Variants in RAPGEF1 observed in about 807,000 individuals in gnomAD.
The protein encoded by RAPGEF1 is CRK SH3-binding GNRP.
A neutral mutation model predicts 143.3 loss-of-function variants in RAPGEF1; 33 were observed. The observed-to-expected ratio is 0.23, with a 90% CI of 0.17 to 0.31. The LOEUF is 0.31. Among genes scored for constraint, RAPGEF1 ranks in the 10% least tolerant of loss-of-function variants. The pLI is 1.00. For synonymous variants in RAPGEF1, 629 were observed against 676.5 expected (o/e 0.93, Z 1.09); for missense variants, 1,199 against 1,645.4 (o/e 0.73, Z 4.69).
At chr9:131,734,657 G>A (rs535613060) in intron 1 of RAPGEF1, among the ~76,000 whole-genome samples, 21 of 152,262 alleles carry the variant, frequency 1.4e-4, no homozygotes, top group African/African-American at 5.1e-4. Flanking sequence ...GTTTAAAATT[G>A]ATCGAAATAC....
At chr9:131,706,110 G>A (rs867955400) in intron 1 of RAPGEF1, among the ~76,000 whole-genome samples, 1 of 152,034 alleles carries the variant, frequency 6.6e-6, no homozygotes, top group Admixed American at 6.6e-5. Context: ...TCCACATAAC[G>A]ATATGCCCAG....
intron 10 of RAPGEF1, 115 bp from the exon 11 acceptor site, chr9:131,622,113 G>A: frequency 1.0e-6 from 1 of 994,832 alleles, no homozygotes; most frequent in Admixed American, 2.1e-5. Context: ...ACCTCAGAGA[G>A]GGACGAACAG....
chr9:131,643,132 C>T (rs1968543575), intron 4 of RAPGEF1, 107 bp downstream of exon 4: 1 of 1,311,238 alleles, frequency 7.6e-7, no homozygotes, highest in Non-Finnish European at 1.0e-6. Context: ...TGATGGAGTC[C>T]TTTTCCTGAC....
intron 1 of RAPGEF1, among the ~76,000 whole-genome samples, chr9:131,666,464 G>A (rs1184255492): frequency 3.3e-5 from 5 of 151,872 alleles, no homozygotes; most frequent in African/African-American, 4.8e-5. Context: ...TCAGCTCACT[G>A]CAACCTCCAC....
chr9:131,603,178 G>C (rs892448492), intron 14 of RAPGEF1, among the ~76,000 whole-genome samples: 1 of 152,214 alleles, frequency 6.6e-6, no homozygotes, highest in South Asian at 2.1e-4. Flanking sequence ...AGAACCACCT[G>C]AACGGGTGTG....
At chr9:131,616,181 C>T (rs369478614) in intron 12 of RAPGEF1, among the ~76,000 whole-genome samples, 6 of 151,928 alleles carry the variant, frequency 3.9e-5, no homozygotes, top group African/African-American at 1.5e-4. Flanking sequence ...GGCAGGAGAA[C>T]GCTTGAACCT....
intron 12 of RAPGEF1, among the ~76,000 whole-genome samples, chr9:131,612,024 T>C (rs60289471): frequency 3.3e-5 from 5 of 152,122 alleles, no homozygotes; most frequent in African/African-American, 7.2e-5. Context: ...AGTGAACCAT[T>C]TGATCACAGA....
chr9:131,707,498 T>A lies in RAPGEF1; in HGVS notation c.61+32272A>T, dbSNP rs146840384. On this transcript the variant is annotated intron_variant, in intron 1 of 26. Coordinates refer to ENST00000683357, the MANE Select transcript of RAPGEF1 (RefSeq NM_001377935.1). ...CTCTGTTGCCCAGGCTGGAGTGCAG[T>A]GGCATGACCTCAGCTCACTACAACC... Among the ~76,000 whole-genome samples, 348 of 152,318 alleles carry A rather than the reference T, an allele frequency of 2.3e-3. 1 individual carries two copies. Among genetic ancestry groups the A allele is most frequent in the Non-Finnish European group, 4.2e-3 (286 of 68,014 alleles).
chr9:131,670,190 G>C (rs1831140788), intron 1 of RAPGEF1, among the ~76,000 whole-genome samples: 1 of 152,224 alleles, frequency 6.6e-6, no homozygotes, highest in Non-Finnish European at 1.5e-5. Context: ...AGAGAGAGGA[G>C]TAAGTACCCT....
chr9:131,726,489 G>A (rs552576295), intron 1 of RAPGEF1, among the ~76,000 whole-genome samples: 7 of 152,184 alleles, frequency 4.6e-5, no homozygotes, highest in South Asian at 2.1e-4. Context: ...AGCCGGACGC[G>A]GTGGTGGATG....
Position 131,667,689 on chromosome 9 carries a change from A to G in RAPGEF1, c.62-16740T>C, listed in dbSNP as rs1830655601. ...ATGACATGGGGCAAACAGAAGTGGC[A>G]CTCATCTCTACACGTGGCCTAGGGC... is the stretch of plus-strand genomic sequence containing the variant. On this transcript the variant is annotated intron_variant, in intron 1 of 26. Coordinates refer to ENST00000683357, the MANE Select transcript of RAPGEF1 (RefSeq NM_001377935.1). This position sits in a 1 kb window ranked among gnomAD's most constrained non-coding sequence, Gnocchi z 4.6. Among the ~76,000 whole-genome samples, 1 of 152,104 alleles carries G rather than the reference A, an allele frequency of 6.6e-6. No homozygotes were observed. The highest frequency in any genetic ancestry group is 1.5e-5 in the Non-Finnish European group (1 of 68,008).
At chr9:131,607,837 C>G (rs1957357595) in intron 12 of RAPGEF1, among the ~76,000 whole-genome samples, 1 of 152,218 alleles carries the variant, frequency 6.6e-6, no homozygotes, top group Non-Finnish European at 1.5e-5. Flanking sequence ...CTTCCACGTG[C>G]CCTGCAATAA....
In RAPGEF1 at chr9:131,650,275, T is replaced by G; in HGVS notation, c.202-33A>C. On this transcript the variant is annotated intron_variant, in intron 2 of 26. Coordinates refer to ENST00000683357, the MANE Select transcript of RAPGEF1 (RefSeq NM_001377935.1). The surrounding 1 kb of genome is among the most constrained non-coding windows in gnomAD (Gnocchi z 4.7). ...AGAGGAAACCTGGATTCCTACAGAGTTTGAAATGGCTGTTTGAGGCCGAAG... is the reference window on the plus strand; with the variant it reads ...AGAGGAAACCTGGATTCCTACAGAGGTTGAAATGGCTGTTTGAGGCCGAAG... The G allele has an allele frequency of 6.5e-7, 1 of 1,540,450 alleles. No homozygotes were observed. Among genetic ancestry groups the G allele is most frequent in the South Asian group, 1.1e-5 (1 of 88,074 alleles).
At chr9:131,632,986 G>A (rs1371520392) in intron 5 of RAPGEF1, among the ~76,000 whole-genome samples, 1 of 152,206 alleles carries the variant, frequency 6.6e-6, no homozygotes, top group Non-Finnish European at 1.5e-5. Flanking sequence ...GGGATTACAG[G>A]TGTGAGCCAC....
intron 1 of RAPGEF1, among the ~76,000 whole-genome samples, chr9:131,717,404 GC>G (rs1401022420): frequency 6.6e-6 from 1 of 152,194 alleles, no homozygotes; most frequent in African/African-American, 2.4e-5. Flanking sequence ...TCAGCTATGT[GC>G]CAGGCACCAT....
At chr9:131,706,541 A>G (rs1352952817) in intron 1 of RAPGEF1, among the ~76,000 whole-genome samples, 2 of 152,178 alleles carry the variant, frequency 1.3e-5, no homozygotes. Context: ...AAGTGCTGGG[A>G]TTACAGGTGT....
intron 1 of RAPGEF1, among the ~76,000 whole-genome samples, chr9:131,693,124 G>A (rs964683832): frequency 2.0e-5 from 3 of 152,178 alleles, no homozygotes; most frequent in East Asian, 1.9e-4. Flanking sequence ...TCTGCTGAAT[G>A]GTAAATGTTC....
At chr9:131,666,324 ACT>A (rs769042265) in intron 1 of RAPGEF1, among the ~76,000 whole-genome samples, 1 of 151,982 alleles carries the variant, frequency 6.6e-6, no homozygotes, top group Non-Finnish European at 1.5e-5. Context: ...GTTCTAACGG[ACT>A]CTCTGGACCA....
chr9:131,593,275 C>T (rs1377383144), intron 17 of RAPGEF1, among the ~76,000 whole-genome samples: 1 of 152,224 alleles, frequency 6.6e-6, no homozygotes, highest in Non-Finnish European at 1.5e-5. Flanking sequence ...TCCAGAATTA[C>T]AACAGCCCTA....
Sources: allele counts gnomAD v4.1 joint callset (sites outside exome capture counted in the v4.1 genomes callset), GRCh38; gene constraint gnomAD v4.1.1; non-coding constraint Gnocchi (gnomAD v3.1); transcripts MANE v1.5; gene names NCBI Gene and HGNC (gene_info 2026-07-23, HGNC 2026-07-21).